The following CORIN variants were observed in gnomAD, a reference collection of about 807,000 sequenced individuals.
CORIN encodes corin, serine peptidase.
In CORIN, 117 loss-of-function variants were observed where a neutral mutation model predicts 125.3. That is an observed-to-expected ratio of 0.93 (90% CI 0.80 to 1.09). CORIN has a LOEUF of 1.09. Ranked by LOEUF, CORIN falls within the 50% of genes least tolerant of loss-of-function variation. CORIN has a pLI of 0.00. For synonymous variants in CORIN, 450 were observed against 466.4 expected (o/e 0.96, Z 0.45); for missense variants, 1,253 against 1,306.7 (o/e 0.96, Z 0.63).
At chr4:47,779,660 T>C (rs1305794957) in intron 3 of CORIN, among the ~76,000 whole-genome samples, 1 of 152,108 alleles carries the variant, frequency 6.6e-6, no homozygotes, top group Non-Finnish European at 1.5e-5. Context: ...GGTCCCGAAC[T>C]CTTGACCTCA....
In CORIN at chr4:47,632,725, TGATA is replaced by T. The variant is rs1553905875; in HGVS notation, c.2199-6208_2199-6205del. Among the ~76,000 whole-genome samples, 496 of 126,756 alleles carry T rather than the reference TGATA, an allele frequency of 3.9e-3. 2 individuals carry two copies. The highest frequency in any genetic ancestry group is 0.011 in the Middle Eastern group (3 of 264). The allele number at this position is 126,756 out of a possible 152,430, so 83.2% of individuals were successfully genotyped here. A position where few individuals can be genotyped will look rare whatever the true frequency, so the allele number is the denominator to read the frequency against. ...TATTGCAATCCTAACTGACAATAGA[TGATA>T]GATAGATAGATAGATAGATAGATAG... On this transcript the variant is annotated intron_variant, in intron 16 of 21. Coordinates refer to ENST00000273857, the MANE Select transcript of CORIN (RefSeq NM_006587.4).
intron 19 of CORIN, among the ~76,000 whole-genome samples, chr4:47,604,582 C>T (rs1203179129): frequency 6.6e-6 from 1 of 152,208 alleles, no homozygotes; most frequent in African/African-American, 2.4e-5. Context: ...GAACTTAATA[C>T]TATAATCAAC....
intron 20 of CORIN, among the ~76,000 whole-genome samples, chr4:47,600,945 T>C (rs73140082): frequency 1.8e-4 from 27 of 152,320 alleles, no homozygotes; most frequent in African/African-American, 6.3e-4. Context: ...AATTCCATCT[T>C]GCTTAAAAGT....
At chr4:47,814,484 G>A (rs765303261) in intron 1 of CORIN, among the ~76,000 whole-genome samples, 4 of 152,140 alleles carry the variant, frequency 2.6e-5, no homozygotes, top group Admixed American at 2.0e-4. Flanking sequence ...GACAGTGCTA[G>A]ATGCTTCCCA....
At chr4:47,802,339 G>C (rs1189605264) in intron 2 of CORIN, among the ~76,000 whole-genome samples, 2 of 152,182 alleles carry the variant, frequency 1.3e-5, no homozygotes, top group African/African-American at 4.8e-5. Context: ...TAGGCTCTTG[G>C]TTAGCATTTC....
intron 3 of CORIN, among the ~76,000 whole-genome samples, chr4:47,780,935 G>C (rs1257897211): frequency 2.0e-5 from 3 of 146,978 alleles, no homozygotes; most frequent in African/African-American, 7.5e-5. Context: ...ATATGACAAA[G>C]GAAATGAAAA....
At chr4:47,777,876 A>G (rs920300759) in intron 3 of CORIN, among the ~76,000 whole-genome samples, 3 of 152,236 alleles carry the variant, frequency 2.0e-5, no homozygotes, top group Admixed American at 1.3e-4. Flanking sequence ...CTCTCAACAC[A>G]AAATTATACA....
Position 47,741,864 on chromosome 4 carries a change from T to C in CORIN, c.799+2538A>G, listed in dbSNP as rs1032956856. Among the ~76,000 whole-genome samples the C allele has an allele frequency of 3.3e-5, 5 of 152,138 alleles. No homozygotes were observed. The East Asian group carries it at 9.6e-4, about 29-fold the overall frequency. On this transcript the variant is annotated intron_variant, in intron 5 of 21. Transcript: ENST00000273857. Reference sequence around the variant, plus strand: ...TAAATGTCCAAAATAGTCATGTTTATAGAAACAGAAAGTTAATTAGTGTTT... The same window carrying C: ...TAAATGTCCAAAATAGTCATGTTTACAGAAACAGAAAGTTAATTAGTGTTT...
rs749270493 is a variant in CORIN at position 47,735,942 on chromosome 4, T to TAAA, written c.799+8457_799+8459dup. ...AGCCTGGGCGACAGAGACTCCATCTTAAAAAAAAAAAAAAAAAAAAAAAGA... is the reference window on the plus strand; with the variant it reads ...AGCCTGGGCGACAGAGACTCCATCTTAAAAAAAAAAAAAAAAAAAAAAAAAAGA... On this transcript the variant is annotated intron_variant, in intron 5 of 21. Transcript: ENST00000273857. 4.2e-3 allele frequency among the ~76,000 whole-genome samples: 405 copies of TAAA among 96,374 alleles called. 6 individuals are homozygous for TAAA. Among genetic ancestry groups the TAAA allele is most frequent in the African/African-American group, 0.01 (250 of 24,556 alleles). 63.2% of individuals were successfully genotyped at this position (96,374 alleles called of 152,430 possible).
intron 6 of CORIN, among the ~76,000 whole-genome samples, chr4:47,690,042 ATACT>A (rs1190480808): frequency 2.0e-5 from 3 of 152,210 alleles, no homozygotes; most frequent in African/African-American, 4.8e-5. Context: ...CATCCAACAA[ATACT>A]TAAGAAGAGA....
intron 3 of CORIN, among the ~76,000 whole-genome samples, chr4:47,786,309 C>T (rs1429753880): frequency 4.0e-5 from 6 of 151,730 alleles, no homozygotes; most frequent in Admixed American, 1.3e-4. Flanking sequence ...CCGAGGCGGG[C>T]GGATCACTTG....
intron 6 of CORIN, among the ~76,000 whole-genome samples, chr4:47,685,355 T>C (rs935897906): frequency 6.6e-6 from 1 of 152,146 alleles, no homozygotes; most frequent in Non-Finnish European, 1.5e-5. Context: ...ACTACCAATA[T>C]ATGTGACAGT....
At position 47,626,999 on chromosome 4, in the gene CORIN, T is replaced by G. The variant is rs1273821060; in HGVS notation, c.2199-478A>C. Among the ~76,000 whole-genome samples, 6 of 115,658 alleles carry G rather than the reference T, an allele frequency of 5.2e-5. No individual in the cohort carries two copies. The East Asian group carries it at 6.4e-4, about 12-fold the overall frequency. 75.9% of individuals were successfully genotyped at this position (115,658 alleles called of 152,430 possible). ...TGTTGTTGTTGTTGTTGTTGTTTTT[T>G]TTTTGATGAAGTCTTGCTCTGTTGC... On this transcript the variant is annotated intron_variant, in intron 16 of 21. Transcript: ENST00000273857.
At position 47,730,026 on chromosome 4, in the gene CORIN, A is replaced by C. The variant is rs528704688; in HGVS notation, c.799+14376T>G. 3.3e-3 allele frequency among the ~76,000 whole-genome samples: 509 copies of C among 152,134 alleles called. 1 individual carries two copies. Among genetic ancestry groups the C allele is most frequent in the Non-Finnish European group, 5.8e-3 (391 of 67,988 alleles). On this transcript the variant is annotated intron_variant, in intron 5 of 21. Coordinates refer to ENST00000273857, the MANE Select transcript of CORIN (RefSeq NM_006587.4). Reference sequence around the variant, plus strand: ...CACCACTCAATAAAACCTTGCACTCATCCTTGGAGCTCACGTGTGATCTAA... The same window carrying C: ...CACCACTCAATAAAACCTTGCACTCCTCCTTGGAGCTCACGTGTGATCTAA...
In CORIN at chr4:47,753,221, G is replaced by C. The variant is rs1391946939; in HGVS notation, c.618-8638C>G. 2.6e-5 allele frequency among the ~76,000 whole-genome samples: 4 copies of C among 152,076 alleles called. No homozygotes were observed. The East Asian group carries it at 7.7e-4, about 29-fold the overall frequency. On this transcript the variant is annotated intron_variant, in intron 4 of 21. Coordinates refer to ENST00000273857, the MANE Select transcript of CORIN (RefSeq NM_006587.4). ...AAAAGGGGTGGGGGTGTACGAACAA[G>C]GAATAGGTCACAAAGATCACATGCT...
At chr4:47,805,357 TA>T (rs1410238544) in intron 2 of CORIN, among the ~76,000 whole-genome samples, 1 of 151,944 alleles carries the variant, frequency 6.6e-6, no homozygotes, top group Non-Finnish European at 1.5e-5. Context: ...ACATTTTTTT[TA>T]AAAAACCTGG....
At chr4:47,731,361 C>T (rs1230126020) in intron 5 of CORIN, among the ~76,000 whole-genome samples, 1 of 152,112 alleles carries the variant, frequency 6.6e-6, no homozygotes, top group African/African-American at 2.4e-5. Context: ...GGCTAGAGAT[C>T]CGCATTTGTA....
chr4:47,804,419 A>C (rs1193487826), intron 2 of CORIN, among the ~76,000 whole-genome samples: 1 of 152,196 alleles, frequency 6.6e-6, no homozygotes, highest in Non-Finnish European at 1.5e-5. Context: ...TGTTTGTTGC[A>C]GCACTGATCA....
At chr4:47,750,702 G>C (rs935219145) in intron 4 of CORIN, among the ~76,000 whole-genome samples, 12 of 152,192 alleles carry the variant, frequency 7.9e-5, no homozygotes, top group African/African-American at 2.9e-4. Context: ...TAACCTGGCA[G>C]AAAGGAAACC....
Sources: allele counts gnomAD v4.1 joint callset (sites outside exome capture counted in the v4.1 genomes callset), GRCh38; gene constraint gnomAD v4.1.1; transcripts MANE v1.5; gene names NCBI Gene and HGNC (gene_info 2026-07-23, HGNC 2026-07-21).